PPID: variants seen among roughly 807,000 people sequenced by gnomAD.
PPID encodes peptidylprolyl isomerase D, also known as peptidyl-prolyl cis-trans isomerase D.
In PPID, 47 loss-of-function variants were observed where a neutral mutation model predicts 48.1. That is an observed-to-expected ratio of 0.98 (90% CI 0.77 to 1.25). PPID has a LOEUF of 1.25. Ranked by LOEUF, PPID falls within the 50% of genes most tolerant of loss-of-function variation. The pLI, the probability that PPID is intolerant of heterozygous loss-of-function variation, is 0.00. For synonymous variants in PPID, 163 were observed against 148.8 expected, an observed-to-expected ratio of 1.10 and a Z score of -0.69; for missense variants, 429 against 443.5, an observed-to-expected ratio of 0.97 and a Z score of 0.29.
In PPID at chr4:158,721,388, T is replaced by G. The variant is rs1774956916; in HGVS notation, c.181A>C (p.Thr61Pro). ...LCTGEKGIGH[T>P]TGKPLHFKGC... ...TTGAAATGGAGAGGTTTCCCAGTCG[T>G]GTGTCCAATGCCTTTTTCTCCTGTA... is the stretch of plus-strand genomic sequence containing the variant. The change falls in exon 2 of 10, where the codon ACG (threonine) becomes CCG (proline). Residue 61 changes from threonine to proline, a missense_variant. Thr to Pro is a conservative substitution (Grantham distance 38). Transcript: ENST00000307720. The G allele has an allele frequency of 6.2e-7, 1 of 1,614,054 alleles. No individual in the cohort carries two copies. The highest frequency in any genetic ancestry group is 8.5e-7 in the Non-Finnish European group (1 of 1,180,000).
At chr4:158,712,715 C>T (rs1363457672) in intron 7 of PPID, among the ~76,000 whole-genome samples, 1 of 152,022 alleles carries the variant, frequency 6.6e-6, no homozygotes, top group African/African-American at 2.4e-5. Context: ...CGAGATTGCG[C>T]CACTGCACTC....
chr4:158,716,105 T>TA (rs1774868922), intron 4 of PPID, among the ~76,000 whole-genome samples: 1 of 151,994 alleles, frequency 6.6e-6, no homozygotes, highest in Non-Finnish European at 1.5e-5. Flanking sequence ...CTTTTTTTTT[T>TA]AATAGAGACA....
intron 1 of PPID, 21 bp downstream of exon 1, chr4:158,723,183 C>G: frequency 2.5e-6 from 4 of 1,606,022 alleles, no homozygotes; most frequent in Non-Finnish European, 3.4e-6. Context: ...GGCTTTTCCG[C>G]GAGCGTCAGA....
At chr4:158,713,574 A>G (rs1473529579) in intron 6 of PPID, among the ~76,000 whole-genome samples, 2 of 152,144 alleles carry the variant, frequency 1.3e-5, no homozygotes, top group African/African-American at 2.4e-5. Flanking sequence ...CAGGATTCTC[A>G]TAATAGGAGA....
chr4:158,721,795 G>GT (rs1774964952), intron 1 of PPID, among the ~76,000 whole-genome samples: 1 of 152,152 alleles, frequency 6.6e-6, no homozygotes, highest in South Asian at 2.1e-4. Context: ...GAAACCACAT[G>GT]TAAGTGAGAT....
At position 158,723,341 on chromosome 4, in the gene PPID, C is replaced by A; in HGVS notation, c.-53G>T. On this transcript the variant is annotated 5_prime_UTR_variant, in exon 1 of 10. Transcript: ENST00000307720. ...AATATCAGAGTACCTAGTGGCCGCCCGGGCCGCCCAAACTCCAGAGTCCGT... is the reference window on the plus strand; with the variant it reads ...AATATCAGAGTACCTAGTGGCCGCCAGGGCCGCCCAAACTCCAGAGTCCGT... The A allele has an allele frequency of 3.2e-6, 5 of 1,550,662 alleles. No homozygotes were observed. The highest frequency in any genetic ancestry group is 3.5e-6 in the Non-Finnish European group (4 of 1,127,334).
rs1409629226 is a variant in PPID, at chr4:158,709,727, G to A, written c.*9C>T. The A allele has an allele frequency of 6.3e-7, 1 of 1,578,296 alleles. No individual in the cohort carries two copies. The highest frequency in any genetic ancestry group is 8.7e-7 in the Non-Finnish European group (1 of 1,151,508). The stretch of plus-strand genomic sequence containing the variant: ...CAATCAACACACAATAAGCAAAACT[G>A]AATCCTTTCTAAGCAAACATTTTTG... On this transcript the variant is annotated 3_prime_UTR_variant, in exon 10 of 10. Transcript: ENST00000307720.
At position 158,721,540 on chromosome 4, in the gene PPID, AAAG is replaced by A. The variant is rs756600504; in HGVS notation, c.86-60_86-58del. On this transcript the variant is annotated intron_variant, in intron 1 of 9. Transcript: ENST00000307720. ...AAACAACCAAATAGACAAATGATAA[AAAG>A]AAGGTTGGTATAATTATGGTAGCAG... 5.3e-5 allele frequency: 82 copies of A among 1,560,988 alleles called. No individual in the cohort carries two copies. In the African/African-American group the frequency reaches 9.3e-4, roughly 18 times the overall value.
chr4:158,714,592 CTTTTT>C (rs113579328), intron 6 of PPID, among the ~76,000 whole-genome samples: 1 of 141,978 alleles, frequency 7.0e-6, no homozygotes, highest in Admixed American at 7.1e-5. Context: ...ATATGGATTA[CTTTTT>C]TTTTTTTTTT....
intron 3 of PPID, among the ~76,000 whole-genome samples, chr4:158,718,942 C>T (rs1774912550): frequency 6.6e-6 from 1 of 152,228 alleles, no homozygotes; most frequent in African/African-American, 2.4e-5. Flanking sequence ...CATTTAAAAA[C>T]TCACTGGCTT....
chr4:158,715,820 GT>G (rs1774862558), intron 4 of PPID, 136 bp from the exon 5 acceptor site: 2 of 906,228 alleles, frequency 2.2e-6, no homozygotes, highest in African/African-American at 1.7e-5. Flanking sequence ...CTATAATGCT[GT>G]TTTTATACAT....
intron 6 of PPID, among the ~76,000 whole-genome samples, chr4:158,714,121 G>A (rs1774832607): frequency 6.6e-6 from 1 of 152,194 alleles, no homozygotes; most frequent in Admixed American, 6.5e-5. Context: ...GTTAATAACT[G>A]TACGATGATA....
intron 1 of PPID, among the ~76,000 whole-genome samples, chr4:158,721,922 TGTGCACATATATCAA>T (rs1774969437): frequency 6.6e-6 from 1 of 152,222 alleles, no homozygotes. Context: ...AGTACTCCAC[TGTGCACATATATCAA>T]ATTTTAAAAA....
intron 6 of PPID, 48 bp from the exon 7 acceptor site, chr4:158,713,308 A>C: frequency 6.7e-7 from 1 of 1,499,544 alleles, no homozygotes; most frequent in Non-Finnish European, 9.0e-7. Context: ...CATAAACAGG[A>C]ATTACTCTTC....
chr4:158,711,542 A>G (rs554013206), intron 7 of PPID, among the ~76,000 whole-genome samples: 2 of 152,264 alleles, frequency 1.3e-5, no homozygotes, highest in South Asian at 4.1e-4. Flanking sequence ...TCTTACCTAC[A>G]ACAGGTCTTT....
intron 6 of PPID, 128 bp from the exon 7 acceptor site, chr4:158,713,388 A>G: frequency 1.9e-6 from 2 of 1,033,500 alleles, no homozygotes; most frequent in Non-Finnish European, 2.6e-6. Flanking sequence ...AATCTTAATG[A>G]TCACACTTTT....
chr4:158,710,823 G>C lies in PPID; in HGVS notation c.920C>G (p.Thr307Ser). Residue 307 changes from threonine to serine, a missense_variant, in exon 8 of 10, where the codon ACC (threonine) becomes AGC (serine). By Grantham distance (58) the Thr-to-Ser change is moderately conservative. Transcript: ENST00000307720. ...TTGAGCTCTGCGGTACAATGCTTTG[G>C]TATTTGATGGGTCTAGTTCAAGAGC... is the stretch of plus-strand genomic sequence containing the variant. ...LEALELDPSNTKALYRRAQGW... is the reference protein window; with the variant it reads ...LEALELDPSNSKALYRRAQGW... 6.2e-7 allele frequency: 1 copy of C among 1,613,184 alleles called. No individual in the cohort carries two copies. The highest frequency in any genetic ancestry group is 8.5e-7 in the Non-Finnish European group (1 of 1,179,178).
intron 4 of PPID, among the ~76,000 whole-genome samples, chr4:158,716,041 C>T (rs1451439875): frequency 6.6e-6 from 1 of 152,126 alleles, no homozygotes; most frequent in Non-Finnish European, 1.5e-5. Context: ...CCACTCACAA[C>T]CCTGTCACTT....
At position 158,710,609 on chromosome 4, in the gene PPID, A is replaced by AC. The variant is rs533080232; in HGVS notation, c.1024+18dup. On this transcript the variant is annotated intron_variant, in intron 9 of 9. Transcript: ENST00000307720. ...TTAAATAACAAAATTAACTTTCACT[A>AC]CAAAAGCTGCCAACTTACCTTTATC... 1,778 of 1,610,574 alleles carry AC rather than the reference A, an allele frequency of 1.1e-3. 30 individuals carry two copies. The South Asian group carries it at 0.019, about 17-fold the overall frequency.
Sources: gnomAD v4.1 joint callset for allele counts (sites outside exome capture counted in the v4.1 genomes callset) on GRCh38, gnomAD v4.1.1 for gene constraint, MANE v1.5 for transcripts, NCBI Gene and HGNC (gene_info 2026-07-23, HGNC 2026-07-21) for gene names.